Variants in RBFOX3 observed in about 807,000 individuals in gnomAD.
RBFOX3 encodes RNA binding fox-1 homolog 3.
Under a neutral mutation model 48.7 loss-of-function variants are expected in RBFOX3, and 17 were observed. The ratio of observed to expected loss-of-function variants is 0.35; its 90% CI spans 0.24 to 0.52. The LOEUF (loss-of-function observed/expected upper bound fraction) is 0.52. RBFOX3 is among the 20% of genes least tolerant of loss of function. The pLI, the probability that RBFOX3 is intolerant of heterozygous loss-of-function variation, is 0.94. For missense variants in RBFOX3, 382 were observed against 497.5 expected (o/e 0.77, Z 2.21); for synonymous variants, 212 against 209.5 (o/e 1.01, Z -0.10).
the RBFOX3 span, among the ~76,000 whole-genome samples, chr17:79,618,619 G>A: frequency 1.3e-5 from 2 of 152,150 alleles, no homozygotes; most frequent in African/African-American, 4.8e-5. Flanking sequence ...TGCATAAGCC[G>A]GCGGAGTGCA....
Position 79,090,757 on chromosome 17 carries a change from T to A in RBFOX3, c.*126A>T. The A allele has an allele frequency of 8.2e-7, 1 of 1,215,144 alleles. No individual in the cohort carries two copies. Among genetic ancestry groups the A allele is most frequent in the Non-Finnish European group, 1.1e-6 (1 of 887,946 alleles). The allele number at this position is 1,215,144 out of a possible 1,614,324, so 75.3% of individuals were successfully genotyped here. On this transcript the variant is annotated 3_prime_UTR_variant, in exon 15 of 15. Transcript: ENST00000693108. Reference sequence around the variant, plus strand: ...GGACTTGGACTTGGTTGGATGCCTCTTGGTTTGGTTGGTTTTTTTTTTGTT... The same window carrying A: ...GGACTTGGACTTGGTTGGATGCCTCATGGTTTGGTTGGTTTTTTTTTTGTT...
intron 3 of RBFOX3, among the ~76,000 whole-genome samples, chr17:79,284,243 G>A (rs1273763342): frequency 1.3e-5 from 2 of 152,218 alleles, no homozygotes; most frequent in Non-Finnish European, 2.9e-5. Context: ...TGGACAGTCC[G>A]TTTCCAATGC....
At chr17:79,657,517 A>G in the RBFOX3 span, among the ~76,000 whole-genome samples, 1 of 152,170 alleles carries the variant, frequency 6.6e-6, no homozygotes, top group Non-Finnish European at 1.5e-5. Context: ...TGTCTCTACT[A>G]AAAATACAAC....
At chr17:79,194,756 GTGTGT>G (rs1226729186) in intron 4 of RBFOX3, among the ~76,000 whole-genome samples, 55 of 10,480 alleles carry the variant, frequency 5.2e-3, no homozygotes, top group Admixed American at 0.029. Context: ...GTGTGTGGGT[GTGTGT>G]GTGTGTGTGT....
At chr17:79,234,295 G>A (rs4789963) in intron 4 of RBFOX3, 88,551 of 152,198 alleles carry the variant, frequency 0.58, 25,831 homozygotes, top group Middle Eastern at 0.64. Flanking sequence ...GAGTGGCTCC[G>A]AGGTGACCTG....
chr17:79,102,916 C>T lies in RBFOX3; in HGVS notation c.507+246G>A, dbSNP rs563274002. 2.6e-5 allele frequency among the ~76,000 whole-genome samples: 4 copies of T among 152,316 alleles called. No individual in the cohort carries two copies. In the South Asian group the frequency reaches 8.3e-4, roughly 32 times the overall value. ...CAGTGTCTGGTTGGGGACAGCGCCT[C>T]TCCTAGGAAAAGGAGGGAAGAGGCA... On this transcript the variant is annotated intron_variant, in intron 8 of 14. Coordinates refer to ENST00000693108, the MANE Select transcript of RBFOX3 (RefSeq NM_001350451.2).
the RBFOX3 span, among the ~76,000 whole-genome samples, chr17:79,631,874 C>A: frequency 6.6e-6 from 1 of 152,178 alleles, no homozygotes; most frequent in Admixed American, 6.5e-5. Flanking sequence ...TTTATAATTG[C>A]CCTTGCACAG....
intron 3 of RBFOX3, among the ~76,000 whole-genome samples, chr17:79,250,827 TTCTC>T (rs1240215050): frequency 2.1e-5 from 3 of 139,962 alleles, no homozygotes; most frequent in East Asian, 2.4e-4. Context: ...CTCTCTCTCT[TTCTC>T]TCTTTCTTTC....
chr17:79,105,271 G>A (rs544452828), intron 6 of RBFOX3, among the ~76,000 whole-genome samples: 3 of 152,196 alleles, frequency 2.0e-5, no homozygotes, highest in Non-Finnish European at 4.4e-5. Flanking sequence ...GCTGATGGGG[G>A]ACAGTGTCCC....
chr17:79,578,755 A>G (rs1275746486), intron 1 of RBFOX3, among the ~76,000 whole-genome samples: 1 of 152,254 alleles, frequency 6.6e-6, no homozygotes, highest in South Asian at 2.1e-4. Flanking sequence ...CCAGGAAGCC[A>G]GAGGTGTGGG....
At chr17:79,651,324 G>T in the RBFOX3 span, among the ~76,000 whole-genome samples, 2 of 152,136 alleles carry the variant, frequency 1.3e-5, no homozygotes, top group African/African-American at 4.8e-5. Flanking sequence ...AAACATAAGG[G>T]GAAAGACAGA....
intron 4 of RBFOX3, among the ~76,000 whole-genome samples, chr17:79,166,778 G>A (rs1020297548): frequency 7.2e-5 from 11 of 152,170 alleles, no homozygotes; most frequent in African/African-American, 2.2e-4. Flanking sequence ...TGGGAGAATC[G>A]AAACAAAGGG....
rs549110459 is a variant in RBFOX3 at position 79,421,664 on chromosome 17, G to C, written c.-175+60790C>G. ...GGGACCCCAGGGGCACACCGAACGCGGTCACCATAGGACCAAACAAGATGA... is the reference window on the plus strand; with the variant it reads ...GGGACCCCAGGGGCACACCGAACGCCGTCACCATAGGACCAAACAAGATGA... On this transcript the variant is annotated intron_variant, in intron 2 of 14. Transcript: ENST00000693108. This position sits in a 1 kb window ranked among gnomAD's most constrained non-coding sequence, Gnocchi z 4.5. Among the ~76,000 whole-genome samples, 85 of 152,230 alleles carry C rather than the reference G, an allele frequency of 5.6e-4. 1 individual carries two copies. In the South Asian group the frequency reaches 0.013, roughly 23 times the overall value.
In RBFOX3 at chr17:79,149,895, A is replaced by G. The variant is rs1398010896; in HGVS notation, c.-33-34147T>C. On this transcript the variant is annotated intron_variant, in intron 4 of 14. Coordinates refer to ENST00000693108, the MANE Select transcript of RBFOX3 (RefSeq NM_001350451.2). ...TGGGGCCTGGAGACAGGAGGGGGAC[A>G]GGTGTTATAATAAGCAGTGACAGTG... 2.1e-5 allele frequency among the ~76,000 whole-genome samples: 3 copies of G among 141,114 alleles called. No individual in the cohort carries two copies. In the East Asian group the frequency reaches 6.5e-4, roughly 31 times the overall value. 92.6% of individuals were successfully genotyped at this position (141,114 alleles called of 152,430 possible). A position where few individuals can be genotyped will look rare whatever the true frequency, so the allele number is the denominator to read the frequency against.
At chr17:79,297,813 C>T (rs1340830141) in intron 3 of RBFOX3, among the ~76,000 whole-genome samples, 1 of 152,220 alleles carries the variant, frequency 6.6e-6, no homozygotes, top group Non-Finnish European at 1.5e-5. Context: ...TGTTTCCCCA[C>T]CTCACTCCAG....
intron 1 of RBFOX3, among the ~76,000 whole-genome samples, chr17:79,570,077 GGAAT>G (rs2092615406): frequency 6.7e-6 from 1 of 149,344 alleles, no homozygotes; most frequent in Non-Finnish European, 1.5e-5. Context: ...TAGTAGAGAA[GGAAT>G]GGACAGATGG....
intron 4 of RBFOX3, among the ~76,000 whole-genome samples, chr17:79,186,359 C>T (rs917316516): frequency 7.2e-5 from 11 of 152,282 alleles, no homozygotes; most frequent in African/African-American, 2.4e-4. Context: ...AGTTAGCGAA[C>T]AGCACGCACC....
At chr17:79,147,208 G>A (rs1040923918) in intron 4 of RBFOX3, among the ~76,000 whole-genome samples, 6 of 152,228 alleles carry the variant, frequency 3.9e-5, no homozygotes, top group African/African-American at 1.4e-4. Flanking sequence ...GGAGGACACT[G>A]TGGTCACAGG....
At chr17:79,352,403 G>C (rs978087356) in intron 2 of RBFOX3, among the ~76,000 whole-genome samples, 3 of 152,140 alleles carry the variant, frequency 2.0e-5, no homozygotes, top group African/African-American at 7.2e-5. Flanking sequence ...GGCCTCCCCA[G>C]CCATGCTTCC....
Sources: gnomAD v4.1 joint callset for allele counts (sites outside exome capture counted in the v4.1 genomes callset) on GRCh38, gnomAD v4.1.1 for gene constraint, Gnocchi (gnomAD v3.1) non-coding constraint, MANE v1.5 for transcripts, NCBI Gene and HGNC (gene_info 2026-07-23, HGNC 2026-07-21) for gene names.